Variants in SPOCK3 observed in about 807,000 individuals in gnomAD.
SPOCK3 encodes the protein SPARC (osteonectin), cwcv and kazal like domains proteoglycan 3.
Under a neutral mutation model 56.6 loss-of-function variants are expected in SPOCK3, and 30 were observed. That is an observed-to-expected ratio of 0.53 (90% CI 0.40 to 0.72). The LOEUF is 0.72. Ranked by LOEUF, SPOCK3 falls within the 30% of genes least tolerant of loss-of-function variation. The probability of loss-of-function intolerance (pLI) is 0.00; values close to 1 mark genes in which losing one functional copy is unlikely to be tolerated. For missense variants in SPOCK3, 527 were observed against 530.0 expected (o/e 0.99, Z 0.06); for synonymous variants, 196 against 183.3 (o/e 1.07, Z -0.56).
At chr4:166,985,932 T>C (rs1190650329) in intron 4 of SPOCK3, among the ~76,000 whole-genome samples, 1 of 152,176 alleles carries the variant, frequency 6.6e-6, no homozygotes, top group Admixed American at 6.5e-5. Context: ...ACATTTTCTG[T>C]CTCTAGGCTC....
chr4:167,003,635 TGATTGTATTTA>T (rs1201571385), intron 3 of SPOCK3, among the ~76,000 whole-genome samples: 1 of 152,226 alleles, frequency 6.6e-6, no homozygotes, highest in Non-Finnish European at 1.5e-5. Flanking sequence ...CTGTTCCGCA[TGATTGTATTTA>T]GTTTTCTCTC....
rs998788297 is a variant in SPOCK3, at chr4:166,962,988, C to A, written c.350+37361G>T. On this transcript the variant is annotated intron_variant, in intron 4 of 10. Coordinates refer to ENST00000357545, the MANE Select transcript of SPOCK3 (RefSeq NM_001040159.2). ...ATTTAGATCCATCATTGAATAAATGCCATTCCTTTTGTCATGCAGTCATTC... is the reference window on the plus strand; with the variant it reads ...ATTTAGATCCATCATTGAATAAATGACATTCCTTTTGTCATGCAGTCATTC... Among the ~76,000 whole-genome samples, 5 of 152,148 alleles carry A rather than the reference C, an allele frequency of 3.3e-5. No homozygotes were observed. The East Asian group carries it at 9.6e-4, about 29-fold the overall frequency.
chr4:167,065,260 C>G (rs562082361), intron 2 of SPOCK3, among the ~76,000 whole-genome samples: 1 of 151,568 alleles, frequency 6.6e-6, no homozygotes, highest in Non-Finnish European at 1.5e-5. Flanking sequence ...AGGTGGAAAC[C>G]GTGTAGAACT....
intron 2 of SPOCK3, among the ~76,000 whole-genome samples, chr4:167,090,313 A>C (rs6822214): frequency 1.3e-5 from 2 of 150,970 alleles, no homozygotes; most frequent in African/African-American, 4.9e-5. Flanking sequence ...TTTTCACCCC[A>C]TTTTTTGGGT....
chr4:166,994,482 G>A (rs535881506), intron 4 of SPOCK3, among the ~76,000 whole-genome samples: 30 of 152,210 alleles, frequency 2.0e-4, no homozygotes, highest in African/African-American at 7.2e-4. Context: ...TGAATTTCCT[G>A]CTGTAAGAAA....
chr4:167,170,400 A>T (rs779350780), intron 2 of SPOCK3, among the ~76,000 whole-genome samples: 5 of 152,194 alleles, frequency 3.3e-5, no homozygotes, highest in African/African-American at 7.2e-5. Flanking sequence ...TTCATTGAAT[A>T]ATATTTGCTA....
intron 5 of SPOCK3, among the ~76,000 whole-genome samples, chr4:166,893,102 C>A (rs1467251195): frequency 6.6e-6 from 1 of 152,058 alleles, no homozygotes; most frequent in East Asian, 1.9e-4. Flanking sequence ...TGGGCATCTA[C>A]TAGTTAGAAG....
intron 5 of SPOCK3, among the ~76,000 whole-genome samples, chr4:166,898,730 A>C (rs574115579): frequency 6.6e-6 from 1 of 152,270 alleles, no homozygotes; most frequent in East Asian, 1.9e-4. Flanking sequence ...TGTGTAAAGA[A>C]GTTTTCTTGT....
intron 3 of SPOCK3, among the ~76,000 whole-genome samples, chr4:167,026,850 G>T: frequency 1.4e-5 from 2 of 146,560 alleles, no homozygotes. Flanking sequence ...CAAGCGTCTG[G>T]CTTTTATTTT....
intron 2 of SPOCK3, among the ~76,000 whole-genome samples, chr4:167,211,438 G>A (rs888337378): frequency 1.3e-5 from 2 of 152,100 alleles, no homozygotes; most frequent in African/African-American, 4.8e-5. Context: ...GATTTGGAAG[G>A]GGCCAGGGGC....
At chr4:167,036,645 T>C (rs1266756800) in intron 3 of SPOCK3, among the ~76,000 whole-genome samples, 1 of 152,184 alleles carries the variant, frequency 6.6e-6, no homozygotes, top group African/African-American at 2.4e-5. Flanking sequence ...TTTTAAATTC[T>C]ATGTTTTTTT....
intron 4 of SPOCK3, among the ~76,000 whole-genome samples, chr4:166,950,205 G>T (rs1394584378): frequency 2.1e-4 from 32 of 151,696 alleles, no homozygotes; most frequent in Admixed American, 2.1e-3. Context: ...CATGTGCAGA[G>T]ACACACATAG....
intron 5 of SPOCK3, among the ~76,000 whole-genome samples, chr4:166,897,128 A>G (rs1488950434): frequency 6.6e-6 from 1 of 152,128 alleles, no homozygotes; most frequent in Non-Finnish European, 1.5e-5. Context: ...GAACTATTGT[A>G]TCAGATTTTC....
At chr4:167,062,869 A>G (rs1010526726) in intron 2 of SPOCK3, among the ~76,000 whole-genome samples, 19 of 151,858 alleles carry the variant, frequency 1.3e-4, no homozygotes, top group African/African-American at 4.3e-4. Flanking sequence ...ATTTTCAATT[A>G]CAATTCAGTG....
At chr4:166,767,310 TC>T (rs1484394637) in intron 7 of SPOCK3, among the ~76,000 whole-genome samples, 1 of 149,694 alleles carries the variant, frequency 6.7e-6, no homozygotes, top group Non-Finnish European at 1.5e-5. Context: ...TTTCCTGCTT[TC>T]TCTTGTGGGC....
At chr4:167,224,185 T>C (rs1361687937) in intron 2 of SPOCK3, among the ~76,000 whole-genome samples, 2 of 152,188 alleles carry the variant, frequency 1.3e-5, no homozygotes, top group Admixed American at 1.3e-4. Context: ...TCATTTTTAT[T>C]ATCTTTGTCA....
intron 4 of SPOCK3, among the ~76,000 whole-genome samples, chr4:166,972,085 T>C (rs1156591696): frequency 6.6e-6 from 1 of 152,138 alleles, no homozygotes; most frequent in Non-Finnish European, 1.5e-5. Context: ...CATTATCCCA[T>C]TGCAAACCAC....
At chr4:167,085,295 C>T (rs1758090976) in intron 2 of SPOCK3, among the ~76,000 whole-genome samples, 1 of 151,876 alleles carries the variant, frequency 6.6e-6, no homozygotes, top group African/African-American at 2.4e-5. Flanking sequence ...AAAAAAATGC[C>T]CAAACAGACT....
intron 2 of SPOCK3, among the ~76,000 whole-genome samples, chr4:167,176,185 TA>T (rs1394909563): frequency 1.3e-5 from 2 of 152,150 alleles, no homozygotes; most frequent in Non-Finnish European, 2.9e-5. Flanking sequence ...CCCTTGTGAT[TA>T]CATTGGGCCA....
Sources: gnomAD v4.1 joint callset for allele counts (sites outside exome capture counted in the v4.1 genomes callset) on GRCh38, gnomAD v4.1.1 for gene constraint, MANE v1.5 for transcripts, NCBI Gene and HGNC (gene_info 2026-07-23, HGNC 2026-07-21) for gene names.